Variants in NUDCD3 observed in about 807,000 individuals in gnomAD.
NUDCD3 encodes NudC domain containing 3, also known as nudC domain-containing protein 3.
A neutral mutation model predicts 39.7 loss-of-function variants in NUDCD3; 13 were observed. The ratio of observed to expected loss-of-function variants is 0.33; its 90% CI spans 0.21 to 0.52. The LOEUF (loss-of-function observed/expected upper bound fraction) is 0.52. NUDCD3 is among the 20% of genes least tolerant of loss of function. NUDCD3 has a pLI of 0.96. For missense variants in NUDCD3, 453 were observed against 458.1 expected (o/e 0.99, Z 0.10); for synonymous variants, 175 against 172.4 (o/e 1.02, Z -0.12).
At chr7:44,446,666 C>G (rs893653262) in intron 2 of NUDCD3, among the ~76,000 whole-genome samples, 1 of 152,224 alleles carries the variant, frequency 6.6e-6, no homozygotes, top group Non-Finnish European at 1.5e-5. Flanking sequence ...TAGTTTACAT[C>G]TGACATTTGG....
intron 5 of NUDCD3, among the ~76,000 whole-genome samples, chr7:44,391,336 C>A (rs923289076): frequency 5.3e-5 from 8 of 152,240 alleles, no homozygotes; most frequent in South Asian, 2.1e-4. Context: ...GCAGGATGCA[C>A]CTGTCTGTGA....
chr7:44,444,441 G>A (rs1286405277), intron 2 of NUDCD3, among the ~76,000 whole-genome samples: 1 of 152,176 alleles, frequency 6.6e-6, no homozygotes, highest in African/African-American at 2.4e-5. Flanking sequence ...CTGGGAGACA[G>A]GGCCCAATCC....
At chr7:44,424,295 G>A (rs1799193873) in intron 3 of NUDCD3, among the ~76,000 whole-genome samples, 1 of 152,170 alleles carries the variant, frequency 6.6e-6, no homozygotes, top group Non-Finnish European at 1.5e-5. Context: ...TGACAAATGG[G>A]ATCTAATTAA....
At chr7:44,484,038 T>G (rs1800550702) in intron 2 of NUDCD3, among the ~76,000 whole-genome samples, 1 of 151,242 alleles carries the variant, frequency 6.6e-6, no homozygotes, top group South Asian at 2.1e-4. Context: ...ACACACACAA[T>G]CTCCCCCAAA....
intron 2 of NUDCD3, among the ~76,000 whole-genome samples, chr7:44,453,652 CACAA>C (rs1158229363): frequency 6.6e-6 from 1 of 152,148 alleles, no homozygotes; most frequent in Admixed American, 6.5e-5. Flanking sequence ...TAATATCTGA[CACAA>C]ACAACACAGT....
chr7:44,474,157 A>C (rs1800313571), intron 2 of NUDCD3, among the ~76,000 whole-genome samples: 1 of 151,122 alleles, frequency 6.6e-6, no homozygotes, highest in Admixed American at 6.6e-5. Flanking sequence ...CATTTTGTGA[A>C]GTACATATAT....
At chr7:44,456,044 A>C (rs1433576078) in intron 2 of NUDCD3, among the ~76,000 whole-genome samples, 7 of 135,702 alleles carry the variant, frequency 5.2e-5, no homozygotes, top group South Asian at 2.3e-4. Flanking sequence ...AAAAAAAAAA[A>C]AAAAAACAAA....
Position 44,456,659 on chromosome 7 carries a change from G to C in NUDCD3, c.509+28309C>G, listed in dbSNP as rs373033242. Among the ~76,000 whole-genome samples the C allele has an allele frequency of 3.9e-5, 6 of 152,218 alleles. No homozygotes were observed. In the East Asian group the frequency reaches 1.2e-3, roughly 29 times the overall value. On this transcript the variant is annotated intron_variant, in intron 2 of 5. Transcript: ENST00000355451. The stretch of plus-strand genomic sequence containing the variant: ...TGGTCCCAGCTCCTCAGGGGACTGA[G>C]GTGAGAGGATTGCTTGAGCCCAGGA...
intron 2 of NUDCD3, 41 bp downstream of exon 2, chr7:44,484,927 T>C: frequency 6.9e-7 from 1 of 1,438,864 alleles, no homozygotes; most frequent in South Asian, 1.3e-5. Flanking sequence ...ACACCAGATG[T>C]TACGCAAGAA....
At chr7:44,448,641 A>T (rs1459603513) in intron 2 of NUDCD3, among the ~76,000 whole-genome samples, 2 of 152,112 alleles carry the variant, frequency 1.3e-5, no homozygotes, top group African/African-American at 4.8e-5. Flanking sequence ...AAGCTGAGTG[A>T]CACCTTCCTG....
intron 2 of NUDCD3, chr7:44,467,999 T>C: frequency 6.2e-7 from 1 of 1,612,804 alleles, no homozygotes; most frequent in East Asian, 2.2e-5. Context: ...TAAGCGTAAC[T>C]GGCGGAAACC....
At chr7:44,458,029 C>T (rs1799936800) in intron 2 of NUDCD3, among the ~76,000 whole-genome samples, 1 of 152,172 alleles carries the variant, frequency 6.6e-6, no homozygotes, top group Non-Finnish European at 1.5e-5. Context: ...AGCTTGTATA[C>T]AAATGTTCAT....
intron 2 of NUDCD3, among the ~76,000 whole-genome samples, chr7:44,475,112 C>CTTTT (rs369792184): frequency 1.4e-5 from 2 of 139,638 alleles, no homozygotes; most frequent in South Asian, 2.3e-4. Flanking sequence ...AAATTCATTT[C>CTTTT]TTTTTTTTTT....
intron 2 of NUDCD3, among the ~76,000 whole-genome samples, chr7:44,456,300 TAAAGGA>T (rs1269651460): frequency 4.7e-5 from 7 of 150,444 alleles, no homozygotes; most frequent in African/African-American, 1.7e-4. Flanking sequence ...ACAAAGAAAA[TAAAGGA>T]AAGCAGATAA....
chr7:44,419,803 CA>C (rs888214119), intron 3 of NUDCD3, among the ~76,000 whole-genome samples: 11 of 149,668 alleles, frequency 7.3e-5, no homozygotes, highest in South Asian at 6.3e-4. Flanking sequence ...ACATCAACAT[CA>C]AAAAAAAAGG....
intron 3 of NUDCD3, among the ~76,000 whole-genome samples, chr7:44,424,613 G>A (rs2116897756): frequency 6.6e-6 from 1 of 152,276 alleles, no homozygotes; most frequent in Middle Eastern, 3.4e-3. Context: ...AGTTAGAATG[G>A]CGATCATTAA....
At chr7:44,416,908 G>A (rs560891871) in intron 3 of NUDCD3, among the ~76,000 whole-genome samples, 55 of 152,256 alleles carry the variant, frequency 3.6e-4, no homozygotes, top group African/African-American at 1.2e-3. Flanking sequence ...GGTGCACAGC[G>A]ACTGCCTGCA....
rs1800714033 is a variant in NUDCD3 at position 44,490,441 on chromosome 7, G to A, written c.160C>T (p.Pro54Ser). 2 of 1,592,608 alleles carry A rather than the reference G, an allele frequency of 1.3e-6. No homozygotes were observed. Among genetic ancestry groups the A allele is most frequent in the Non-Finnish European group, 1.7e-6 (2 of 1,170,330 alleles). The stretch of plus-strand genomic sequence containing the variant: ...ACCAAGGCCTGCGCGGCCCCGGGCG[G>A]GAAGCCCATGCGGTCCGATGGGTGG... Reference protein sequence around the residue: ...LRHPSDRMGFPPGAAQALVLQ... With the variant: ...LRHPSDRMGFSPGAAQALVLQ... Residue 54 changes from proline (P) to serine (S), a missense_variant, in exon 1 of 6, where the codon CCG becomes TCG. By Grantham distance (74) the Pro-to-Ser change is moderately conservative. Transcript: ENST00000355451.
intron 2 of NUDCD3, among the ~76,000 whole-genome samples, chr7:44,465,266 G>T (rs941862468): frequency 6.6e-6 from 1 of 152,054 alleles, no homozygotes; most frequent in Non-Finnish European, 1.5e-5. Context: ...TCATTCTCCC[G>T]TAATTCCACC....
Sources: gnomAD v4.1 joint callset for allele counts (sites outside exome capture counted in the v4.1 genomes callset) on GRCh38, gnomAD v4.1.1 for gene constraint, MANE v1.5 for transcripts, NCBI Gene and HGNC (gene_info 2026-07-23, HGNC 2026-07-21) for gene names.